CMKLR1: variants seen among roughly 807,000 people sequenced by gnomAD.
CMKLR1 encodes the protein chemerin chemokine-like receptor 1, also known as chemerin-like receptor 1.
Under a neutral mutation model 8.2 loss-of-function variants are expected in CMKLR1, and 6 were observed. That is an observed-to-expected ratio of 0.73 (90% CI 0.40 to 1.44). CMKLR1 has a LOEUF of 1.44. Among genes scored for constraint, CMKLR1 ranks in the 40% most tolerant of loss-of-function variants. The pLI, the probability that CMKLR1 is intolerant of heterozygous loss-of-function variation, is 0.02. For synonymous variants in CMKLR1, 178 were observed against 181.2 expected (o/e 0.98, Z 0.14); for missense variants, 429 against 478.0 (o/e 0.90, Z 0.96).
chr12:108,291,614 A>G lies in CMKLR1; in HGVS notation c.*227T>C. On this transcript the variant is annotated 3_prime_UTR_variant, in exon 4 of 4. Coordinates refer to ENST00000550402, the MANE Select transcript of CMKLR1 (RefSeq NM_001142343.2). ...TTGAGTCAGTCAAGGCTGGCCTCCC[A>G]AGAAGCATAAATTGCTAGTCCAAGG... 1 of 527,944 alleles carries G rather than the reference A, an allele frequency of 1.9e-6. No homozygotes were observed. Among genetic ancestry groups the G allele is most frequent in the Non-Finnish European group, 3.3e-6 (1 of 301,648 alleles). 32.7% of individuals were successfully genotyped at this position (527,944 alleles called of 1,614,324 possible).
At chr12:108,297,122 T>G (rs1022117316) in intron 2 of CMKLR1, among the ~76,000 whole-genome samples, 28 of 152,230 alleles carry the variant, frequency 1.8e-4, no homozygotes, top group African/African-American at 6.5e-4. Context: ...AATTTTCTTC[T>G]GCCTCTGCCA....
intron 3 of CMKLR1, 120 bp downstream of exon 3, chr12:108,293,469 G>T: frequency 9.9e-7 from 1 of 1,009,234 alleles, no homozygotes; most frequent in Non-Finnish European, 1.5e-6. Flanking sequence ...ATGGTGCTGT[G>T]AACTTGATTC....
intron 2 of CMKLR1, among the ~76,000 whole-genome samples, chr12:108,296,878 T>C (rs897484639): frequency 6.6e-6 from 1 of 151,900 alleles, no homozygotes; most frequent in African/African-American, 2.4e-5. Context: ...AGCTCCAATG[T>C]CCTCTCCTCT....
Position 108,289,625 on chromosome 12 carries a change from C to T in CMKLR1, c.*2216G>A, listed in dbSNP as rs1566015190. 1 of 152,204 alleles carries T rather than the reference C, an allele frequency of 6.6e-6. No homozygotes were observed. 9.4% of individuals were successfully genotyped at this position (152,204 alleles called of 1,614,324 possible). On this transcript the variant is annotated 3_prime_UTR_variant, in exon 4 of 4. Transcript: ENST00000550402. Reference sequence around the variant, plus strand: ...GGCGCTGACGACTGCTGCTGTGACCCGGGACAGGTCCCATCCCATCTCGTG... The same window carrying T: ...GGCGCTGACGACTGCTGCTGTGACCTGGGACAGGTCCCATCCCATCTCGTG...
At chr12:108,293,839 T>C (rs1175404204) in intron 2 of CMKLR1, among the ~76,000 whole-genome samples, 175 bp from the exon 3 acceptor site, 2 of 152,172 alleles carry the variant, frequency 1.3e-5, no homozygotes, top group African/African-American at 4.8e-5. Context: ...CAGGAAGGGA[T>C]GGAGCCCCTT....
At chr12:108,332,253 G>C (rs1338399253) in intron 1 of CMKLR1, among the ~76,000 whole-genome samples, 2 of 152,166 alleles carry the variant, frequency 1.3e-5, no homozygotes, top group Non-Finnish European at 2.9e-5. Context: ...ATAGGTGGCC[G>C]GGCTCACCGC....
At chr12:108,318,148 G>A (rs1891777570) in intron 2 of CMKLR1, among the ~76,000 whole-genome samples, 1 of 152,092 alleles carries the variant, frequency 6.6e-6, no homozygotes, top group Non-Finnish European at 1.5e-5. Context: ...GTTGCTTCCG[G>A]TTTCTTGCTG....
Position 108,293,683 on chromosome 12 carries a change from A to T in CMKLR1, c.-73-19T>A. The stretch of plus-strand genomic sequence containing the variant: ...GAAACACCTGTAGGGAAAAAAAAAA[A>T]AAAAAAAGCAGCAATTGGATCCAGG... On this transcript the variant is annotated intron_variant, in intron 2 of 3. Coordinates refer to ENST00000550402, the MANE Select transcript of CMKLR1 (RefSeq NM_001142343.2). 7.1e-7 allele frequency: 1 copy of T among 1,418,314 alleles called. No individual in the cohort carries two copies. The highest frequency in any genetic ancestry group is 9.6e-7 in the Non-Finnish European group (1 of 1,044,860). 87.9% of individuals were successfully genotyped at this position (1,418,314 alleles called of 1,614,324 possible).
intron 2 of CMKLR1, among the ~76,000 whole-genome samples, chr12:108,301,390 T>C (rs1314476869): frequency 2.0e-5 from 3 of 151,990 alleles, no homozygotes; most frequent in African/African-American, 7.3e-5. Context: ...CCACCCAAGT[T>C]TTCTATCAGT....
At chr12:108,318,040 A>G (rs997897539) in intron 2 of CMKLR1, 5 of 152,224 alleles carry the variant, frequency 3.3e-5, no homozygotes, top group African/African-American at 9.6e-5. Context: ...TAGTATATTC[A>G]TATGTACAAA....
rs1237940825 is a variant in CMKLR1, at chr12:108,292,672, G to A, written c.291C>T (p.Thr97=). 1 of 1,614,068 alleles carries A rather than the reference G, an allele frequency of 6.2e-7. No individual in the cohort carries two copies. Among genetic ancestry groups the A allele is most frequent in the African/African-American group, 1.3e-5 (1 of 74,896 alleles). The change falls in exon 4 of 4, where the codon ACC becomes ACT. Residue 97 remains threonine, a synonymous_variant. Transcript: ENST00000550402. ...CCCAGTGGTAGTCCATGGCGGCATA[G>A]GTGATATGGATTGGGAGGAAGACGT... The part of the protein sequence containing the change: ...LFNVFLPIHI[T]YAAMDYHWVF...
chr12:108,292,530 C>T lies in CMKLR1; in HGVS notation c.433G>A (p.Val145Ile), dbSNP rs936383277. The T allele has an allele frequency of 3.1e-6, 5 of 1,613,988 alleles. No homozygotes were observed. Among genetic ancestry groups the T allele is most frequent in the African/African-American group, 2.7e-5 (2 of 74,896 alleles). ...ACGCTGCGGTGGTTCTGGGACCAGACAGGGAGGAGCACAGAGATGCAGCGG... is the reference window on the plus strand; with the variant it reads ...ACGCTGCGGTGGTTCTGGGACCAGATAGGGAGGAGCACAGAGATGCAGCGG... ...SDRCISVLLP[V>I]WSQNHRSVRL... is the part of the protein sequence containing the mutation. Residue 145 changes from valine to isoleucine, a missense_variant, in exon 4 of 4, where the codon GTC (valine) becomes ATC (isoleucine). Transcript: ENST00000550402.
intron 2 of CMKLR1, among the ~76,000 whole-genome samples, chr12:108,300,355 G>C (rs1286366982): frequency 6.6e-6 from 1 of 152,174 alleles, no homozygotes; most frequent in Non-Finnish European, 1.5e-5. Flanking sequence ...AATAATTACA[G>C]ACTCACAAGC....
intron 2 of CMKLR1, among the ~76,000 whole-genome samples, chr12:108,319,298 T>G (rs1891802926): frequency 6.6e-6 from 1 of 152,110 alleles, no homozygotes. Flanking sequence ...CCCAACAACA[T>G]TGAGGACCAC....
At chr12:108,317,179 T>C (rs1320559290) in intron 2 of CMKLR1, among the ~76,000 whole-genome samples, 1 of 151,998 alleles carries the variant, frequency 6.6e-6, no homozygotes, top group East Asian at 1.9e-4. Flanking sequence ...CTGGAGGCAG[T>C]GTTTGGGAAG....
At chr12:108,297,516 A>G (rs2137298497) in intron 2 of CMKLR1, among the ~76,000 whole-genome samples, 1 of 152,342 alleles carries the variant, frequency 6.6e-6, no homozygotes, top group East Asian at 1.9e-4. Context: ...TAATATGTAC[A>G]TACATATAGT....
intron 2 of CMKLR1, among the ~76,000 whole-genome samples, chr12:108,319,858 C>T (rs958149223): frequency 8.6e-5 from 13 of 151,916 alleles, no homozygotes; most frequent in African/African-American, 2.9e-4. Context: ...TATCTGATGA[C>T]ATATTACACA....
chr12:108,330,437 G>GA (rs1892079287), intron 1 of CMKLR1, among the ~76,000 whole-genome samples: 1 of 152,212 alleles, frequency 6.6e-6, no homozygotes, highest in African/African-American at 2.4e-5. Context: ...GATCCACAAA[G>GA]ATAAATGACA....
intron 1 of CMKLR1, among the ~76,000 whole-genome samples, chr12:108,331,634 C>T (rs1044187796): frequency 6.6e-6 from 1 of 152,298 alleles, no homozygotes; most frequent in South Asian, 2.1e-4. Context: ...CATTAGGAAT[C>T]TTGAGATGGT....
Sources: gnomAD v4.1 joint callset for allele counts (sites outside exome capture counted in the v4.1 genomes callset) on GRCh38, gnomAD v4.1.1 for gene constraint, MANE v1.5 for transcripts, NCBI Gene and HGNC (gene_info 2026-07-23, HGNC 2026-07-21) for gene names.